The following UBR2 variants were observed in gnomAD, a reference collection of about 807,000 sequenced individuals.
UBR2 encodes the protein ubiquitin protein ligase E3 component n-recognin 2.
Under a neutral mutation model 247.9 loss-of-function variants are expected in UBR2, and 92 were observed. The observed-to-expected ratio is 0.37, with a 90% CI of 0.31 to 0.44. The LOEUF is 0.44. Among genes scored for constraint, UBR2 ranks in the 20% least tolerant of loss-of-function variants. UBR2 has a pLI of 1.00. For missense variants in UBR2, 1,613 were observed against 2,112.6 expected, an observed-to-expected ratio of 0.76 and a Z score of 4.64; for synonymous variants, 672 against 693.5, an observed-to-expected ratio of 0.97 and a Z score of 0.49.
chr6:42,590,272 C>T (rs932872413), intron 2 of UBR2, among the ~76,000 whole-genome samples: 1 of 152,196 alleles, frequency 6.6e-6, no homozygotes, highest in Non-Finnish European at 1.5e-5. Flanking sequence ...TCCTTGAGTG[C>T]TCCAGATGCA....
intron 31 of UBR2, among the ~76,000 whole-genome samples, chr6:42,662,798 C>G (rs927839984): frequency 6.6e-6 from 1 of 152,120 alleles, no homozygotes; most frequent in Non-Finnish European, 1.5e-5. Context: ...CCCCTAACAA[C>G]TAGCCACCAC....
intron 10 of UBR2, among the ~76,000 whole-genome samples, chr6:42,616,337 A>G (rs920877333): frequency 2.6e-4 from 39 of 152,112 alleles, no homozygotes; most frequent in African/African-American, 8.7e-4. Flanking sequence ...ATAATAAATG[A>G]AGAGTTTAAA....
intron 39 of UBR2, 150 bp from the exon 40 acceptor site, chr6:42,676,633 C>A: frequency 1.5e-6 from 1 of 655,402 alleles, no homozygotes; most frequent in Non-Finnish European, 2.6e-6. Flanking sequence ...TACTGTGCTC[C>A]CACTTGAGGG....
Position 42,636,827 on chromosome 6 carries a change from G to A in UBR2, c.1675-184G>A, listed in dbSNP as rs561578288. 2.6e-5 allele frequency among the ~76,000 whole-genome samples: 4 copies of A among 152,200 alleles called. No individual in the cohort carries two copies. The East Asian group carries it at 7.7e-4, about 29-fold the overall frequency. On this transcript the variant is annotated intron_variant, in intron 14 of 46. Transcript: ENST00000372901. ...TAACTTCTAGATTTCTGCACTATAT[G>A]AGTAAATGTATCATTCACTGAGATG...
At chr6:42,641,901 A>G (rs1267558905) in intron 17 of UBR2, among the ~76,000 whole-genome samples, 1 of 152,266 alleles carries the variant, frequency 6.6e-6, no homozygotes. Context: ...AACAGTGGTC[A>G]TGACTTTTAC....
intron 11 of UBR2, among the ~76,000 whole-genome samples, chr6:42,630,903 C>T (rs1795670142): frequency 6.6e-6 from 1 of 151,970 alleles, no homozygotes; most frequent in Admixed American, 6.6e-5. Flanking sequence ...ACCTCCCAGG[C>T]TCAGGTGATT....
chr6:42,655,789 C>A (rs957559249), intron 26 of UBR2, 66 bp downstream of exon 26: 22 of 967,254 alleles, frequency 2.3e-5, no homozygotes, highest in Non-Finnish European at 3.3e-5. Flanking sequence ...CACTTAATAA[C>A]CTCTTTTATT....
intron 1 of UBR2, among the ~76,000 whole-genome samples, chr6:42,568,993 T>A (rs1295617353): frequency 3.9e-5 from 6 of 152,310 alleles, no homozygotes; most frequent in Middle Eastern, 3.4e-3. Flanking sequence ...TCAACCTGTG[T>A]CAGTAATTCT....
intron 4 of UBR2, among the ~76,000 whole-genome samples, chr6:42,599,887 C>G (rs1262952367): frequency 6.6e-6 from 1 of 152,018 alleles, no homozygotes; most frequent in Non-Finnish European, 1.5e-5. Context: ...TGAGCCACCA[C>G]GCCTAGCTAG....
At chr6:42,582,302 AAC>A (rs1297450594) in intron 2 of UBR2, among the ~76,000 whole-genome samples, 7,332 of 148,766 alleles carry the variant, frequency 0.049, 236 homozygotes, top group East Asian at 0.11. Context: ...AAAAAAAAAA[AAC>A]ATTTTAGGAA....
At chr6:42,572,518 T>C (rs566958546) in intron 1 of UBR2, among the ~76,000 whole-genome samples, 5 of 151,534 alleles carry the variant, frequency 3.3e-5, no homozygotes, top group South Asian at 2.1e-4. Flanking sequence ...TAGGTAAACA[T>C]TGGAGGTTTT....
intron 10 of UBR2, 163 bp from the exon 11 acceptor site, chr6:42,617,246 C>T (rs1794614537): frequency 1.9e-6 from 3 of 1,613,992 alleles, no homozygotes; most frequent in Non-Finnish European, 2.5e-6. Context: ...TTAGAATTAC[C>T]AGCAGTTGCA....
chr6:42,691,219 T>C lies in UBR2; in HGVS notation c.*46T>C. On this transcript the variant is annotated 3_prime_UTR_variant, in exon 47 of 47. Coordinates refer to ENST00000372901, the MANE Select transcript of UBR2 (RefSeq NM_001363705.2). ...ACAAACTTGGATTTTTTTAACCCAG[T>C]TGGCTTTTTAAGAAAGAAAGAAGTT... is the stretch of plus-strand genomic sequence containing the variant. 1 of 1,590,916 alleles carries C rather than the reference T, an allele frequency of 6.3e-7. No individual in the cohort carries two copies. The highest frequency in any genetic ancestry group is 8.5e-7 in the Non-Finnish European group (1 of 1,174,678).
Position 42,663,278 on chromosome 6 carries a change from C to T in UBR2, c.3557C>T (p.Ala1186Val). Residue 1186 changes from alanine (A) to valine (V), a missense_variant, in exon 32 of 47, where the codon GCT becomes GTT. Coordinates refer to ENST00000372901, the MANE Select transcript of UBR2 (RefSeq NM_001363705.2). Reference sequence around the variant, plus strand: ...TAAAGGTATTTTGATTCCGTTCAAGCTAAAGAACAGCGAAGGCAACAGAGA... The same window carrying T: ...TAAAGGTATTTTGATTCCGTTCAAGTTAAAGAACAGCGAAGGCAACAGAGA... ...CWQRYFDSVQAKEQRRQQRLR... is the reference protein window; with the variant it reads ...CWQRYFDSVQVKEQRRQQRLR... 6.2e-7 allele frequency: 1 copy of T among 1,609,832 alleles called. No individual in the cohort carries two copies. The highest frequency in any genetic ancestry group is 8.5e-7 in the Non-Finnish European group (1 of 1,178,468).
At chr6:42,579,651 A>G (rs1455951432) in intron 2 of UBR2, among the ~76,000 whole-genome samples, 2 of 152,104 alleles carry the variant, frequency 1.3e-5, no homozygotes, top group Non-Finnish European at 2.9e-5. Context: ...CTAGAACCAT[A>G]GGCGTGTGCC....
At chr6:42,665,974 T>G (rs1044450689) in intron 33 of UBR2, among the ~76,000 whole-genome samples, 193 bp from the exon 34 acceptor site, 5 of 152,304 alleles carry the variant, frequency 3.3e-5, no homozygotes, top group South Asian at 2.1e-4. Flanking sequence ...GGCTGTACTA[T>G]AAGGAAAAGC....
At position 42,605,026 on chromosome 6, in the gene UBR2, C is replaced by CA. The variant is rs1443620220; in HGVS notation, c.663-685dup. On this transcript the variant is annotated intron_variant, in intron 5 of 46. Coordinates refer to ENST00000372901, the MANE Select transcript of UBR2 (RefSeq NM_001363705.2). Reference sequence around the variant, plus strand: ...TGGGCGACAGAGTGAGACCCTATCTCAAAAAAAAAACAAAAAACAAAAAAA... The same window carrying CA: ...TGGGCGACAGAGTGAGACCCTATCTCAAAAAAAAAAACAAAAAACAAAAAAA... Among the ~76,000 whole-genome samples the CA allele has an allele frequency of 2.9e-3, 421 of 142,896 alleles. 1 individual carries two copies. The highest frequency in any genetic ancestry group is 0.014 in the East Asian group (68 of 4,958). 93.7% of individuals were successfully genotyped at this position (142,896 alleles called of 152,430 possible). A position where few individuals can be genotyped will look rare whatever the true frequency, so the allele number is the denominator to read the frequency against.
At chr6:42,675,872 G>A (rs982700915) in intron 38 of UBR2, among the ~76,000 whole-genome samples, 184 bp from the exon 39 acceptor site, 4 of 152,070 alleles carry the variant, frequency 2.6e-5, no homozygotes, top group East Asian at 1.9e-4. Context: ...CAGGAGAATC[G>A]CTTGAACCCA....
chr6:42,618,312 T>TGGA (rs897182766), intron 11 of UBR2, among the ~76,000 whole-genome samples: 1 of 152,170 alleles, frequency 6.6e-6, no homozygotes, highest in Non-Finnish European at 1.5e-5. Context: ...TGAGAAAACC[T>TGGA]GGAGGAGTAG....
Sources: allele counts gnomAD v4.1 joint callset (sites outside exome capture counted in the v4.1 genomes callset), GRCh38; gene constraint gnomAD v4.1.1; transcripts MANE v1.5; gene names NCBI Gene and HGNC (gene_info 2026-07-23, HGNC 2026-07-21).